Variants in ST3GAL3 observed in about 807,000 individuals in gnomAD.
ST3GAL3 encodes the protein CMP-N-acetylneuraminate-beta-1,4-galactoside alpha-2,3-sialyltransferase.
ST3GAL3 carries 21 observed loss-of-function variants against 50.1 expected under a neutral mutation model. The observed-to-expected ratio is 0.42, with a 90% CI of 0.30 to 0.60. ST3GAL3 has a LOEUF of 0.60. ST3GAL3 is among the 20% of genes least tolerant of loss of function. The probability of loss-of-function intolerance (pLI) is 0.19; values close to 1 mark genes in which losing one functional copy is unlikely to be tolerated. For synonymous variants in ST3GAL3, 183 were observed against 190.0 expected, an observed-to-expected ratio of 0.96 and a Z score of 0.30; for missense variants, 353 against 489.4, an observed-to-expected ratio of 0.72 and a Z score of 2.63.
intron 11 of ST3GAL3, among the ~76,000 whole-genome samples, chr1:43,925,795 C>A (rs549417251): frequency 6.6e-6 from 1 of 152,292 alleles, no homozygotes; most frequent in East Asian, 1.9e-4. Context: ...CAGGAAGGTG[C>A]CACATCGTGG....
chr1:43,772,053 G>T, intron 2 of ST3GAL3: 2 of 395,248 alleles, frequency 5.1e-6, no homozygotes, highest in Non-Finnish European at 4.4e-6. Context: ...TTTTTAGATG[G>T]AGTTTCACTC....
At chr1:43,925,271 TG>T (rs1327950458) in intron 11 of ST3GAL3, among the ~76,000 whole-genome samples, 1 of 118,818 alleles carries the variant, frequency 8.4e-6, no homozygotes, top group Non-Finnish European at 1.7e-5. Flanking sequence ...CACTCTAGCC[TG>T]GGTGACAGAA....
At chr1:43,829,519 C>G (rs577263080) in intron 4 of ST3GAL3, among the ~76,000 whole-genome samples, 16 of 152,276 alleles carry the variant, frequency 1.1e-4, no homozygotes, top group African/African-American at 3.9e-4. Context: ...CAGTGGCTCC[C>G]CATTGCCTCC....
chr1:43,765,997 G>A lies in ST3GAL3; in HGVS notation c.119-26105G>A, dbSNP rs1367925632. On this transcript the variant is annotated intron_variant, in intron 2 of 11. Transcript: ENST00000347631. ...AGCTTCTCTGTGCTTGAAGAAAGAA[G>A]CTTGAAGAGACAGGTCTCTTCACTG... is the stretch of plus-strand genomic sequence containing the variant. 1.6e-4 allele frequency among the ~76,000 whole-genome samples: 25 copies of A among 152,104 alleles called. 2 individuals are homozygous for A. Among genetic ancestry groups the A allele is most frequent in the Admixed American group, 1.5e-3 (23 of 15,268 alleles).
intron 5 of ST3GAL3, among the ~76,000 whole-genome samples, chr1:43,883,027 T>C (rs868706017): frequency 2.6e-5 from 4 of 151,870 alleles, no homozygotes; most frequent in Non-Finnish European, 2.9e-5. Context: ...AGTGGCAAGA[T>C]CATAGCTCAC....
At chr1:43,797,144 C>G (rs1036634164) in intron 3 of ST3GAL3, among the ~76,000 whole-genome samples, 2 of 152,194 alleles carry the variant, frequency 1.3e-5, no homozygotes, top group Admixed American at 1.3e-4. Context: ...GCTATGATCA[C>G]ACCAGCCTAG....
chr1:43,912,434 C>T (rs1055514583), intron 9 of ST3GAL3: 2 of 152,122 alleles, frequency 1.3e-5, no homozygotes, highest in Admixed American at 6.5e-5. Context: ...TAATTGTCAA[C>T]ACAAGCTGTT....
chr1:43,812,882 T>C (rs2060727580), intron 3 of ST3GAL3, among the ~76,000 whole-genome samples: 1 of 152,174 alleles, frequency 6.6e-6, no homozygotes, highest in African/African-American at 2.4e-5. Context: ...TGTGCGTGTG[T>C]GTGTGTGTGT....
intron 5 of ST3GAL3, among the ~76,000 whole-genome samples, chr1:43,872,854 A>G (rs547227874): frequency 5.4e-4 from 82 of 152,308 alleles, no homozygotes; most frequent in Middle Eastern, 6.8e-3. Context: ...AAAGACCTTC[A>G]TGGGAAGGTG....
intron 2 of ST3GAL3, among the ~76,000 whole-genome samples, chr1:43,750,099 T>G (rs186789315): frequency 5.9e-5 from 9 of 152,292 alleles, no homozygotes; most frequent in African/African-American, 2.2e-4. Flanking sequence ...CCTCAAAAGA[T>G]TCATCATCAT....
chr1:43,917,625 TATATAATATATAATATAATATATA>T (rs57574711), intron 9 of ST3GAL3, among the ~76,000 whole-genome samples: 5 of 68,150 alleles, frequency 7.3e-5, no homozygotes, highest in African/African-American at 2.8e-4. Flanking sequence ...TATTATATTA[TATATAATATATAATATAATATATA>T]ATATAATATA....
intron 5 of ST3GAL3, among the ~76,000 whole-genome samples, chr1:43,888,038 A>G (rs920460837): frequency 6.6e-6 from 1 of 152,104 alleles, no homozygotes; most frequent in African/African-American, 2.4e-5. Flanking sequence ...TCAATGATAC[A>G]AGGAGGGGAA....
intron 5 of ST3GAL3, chr1:43,850,953 G>C: frequency 2.0e-6 from 2 of 1,016,062 alleles, no homozygotes; most frequent in South Asian, 1.3e-5. Context: ...GTAGAAGATC[G>C]TGCGGACTTG....
At chr1:43,774,625 TC>T (rs1292893887) in intron 2 of ST3GAL3, among the ~76,000 whole-genome samples, 1 of 152,226 alleles carries the variant, frequency 6.6e-6, no homozygotes, top group Non-Finnish European at 1.5e-5. Context: ...GCTGTAGATG[TC>T]CTAAAATACA....
intron 5 of ST3GAL3, among the ~76,000 whole-genome samples, chr1:43,877,270 G>A (rs761524401): frequency 1.3e-5 from 2 of 152,196 alleles, no homozygotes; most frequent in Non-Finnish European, 2.9e-5. Context: ...AATTCCAGGA[G>A]CAGTCTGCAT....
intron 2 of ST3GAL3, among the ~76,000 whole-genome samples, chr1:43,764,990 TACTTGTTATTTTTAACTTTAAGAATAAAA>T (rs556471336): frequency 1.5e-3 from 226 of 152,372 alleles, no homozygotes; most frequent in African/African-American, 5.2e-3. Context: ...TACTTAAGAA[TACTTGTTATTTTTAACTTTAAGAATAAAA>T]ATAAAAATAA....
chr1:43,844,821 C>T lies in ST3GAL3; in HGVS notation c.302+6510C>T, dbSNP rs564849165. On this transcript the variant is annotated intron_variant, in intron 5 of 11. Transcript: ENST00000347631. ...CAGCCTGGGCGACATAGCAAGACTC[C>T]GTCTAAAAAAAAAAAAAAAGACTAG... 8.8e-3 allele frequency among the ~76,000 whole-genome samples: 1,308 copies of T among 148,132 alleles called. 10 individuals are homozygous for T. Among genetic ancestry groups the T allele is most frequent in the Middle Eastern group, 0.017 (5 of 292 alleles).
intron 2 of ST3GAL3, among the ~76,000 whole-genome samples, chr1:43,740,695 T>C (rs1006238661): frequency 1.7e-4 from 26 of 150,760 alleles, no homozygotes; most frequent in Admixed American, 1.7e-3. Flanking sequence ...GTACGGCGAG[T>C]GGTATAGCTA....
intron 7 of ST3GAL3, 152 bp downstream of exon 7, chr1:43,898,450 A>G: frequency 1.3e-6 from 1 of 780,400 alleles, no homozygotes; most frequent in Admixed American, 2.0e-5. Context: ...TGGAGCAGGT[A>G]AGTGGAACCA....
Sources: allele counts gnomAD v4.1 joint callset (sites outside exome capture counted in the v4.1 genomes callset), GRCh38; gene constraint gnomAD v4.1.1; transcripts MANE v1.5; gene names NCBI Gene and HGNC (gene_info 2026-07-23, HGNC 2026-07-21).